PLA2G6: variants seen among roughly 807,000 people sequenced by gnomAD.
PLA2G6 encodes the protein phospholipase A2 group VI.
PLA2G6 carries 62 observed loss-of-function variants against 83.8 expected under a neutral mutation model. The observed-to-expected ratio is 0.74, with a 90% CI of 0.60 to 0.91. The LOEUF (loss-of-function observed/expected upper bound fraction) is 0.91, where lower values mean the gene tolerates loss of function less well. Among genes scored for constraint, PLA2G6 ranks in the 40% least tolerant of loss-of-function variants. The probability of loss-of-function intolerance (pLI) is 0.00; values close to 1 mark genes in which losing one functional copy is unlikely to be tolerated. For synonymous variants in PLA2G6, 417 were observed against 449.8 expected (o/e 0.93, Z 0.92); for missense variants, 944 against 1,102.0 (o/e 0.86, Z 2.03).
At position 38,151,896 on chromosome 22, in the gene PLA2G6, G is replaced by A. The variant is rs1252367970; in HGVS notation, c.210-6243C>T. On this transcript the variant is annotated intron_variant, in intron 2 of 16. Coordinates refer to ENST00000332509, the MANE Select transcript of PLA2G6 (RefSeq NM_003560.4). The stretch of plus-strand genomic sequence containing the variant: ...TTGTCAAAGTTTTGCTCCAGAAGAA[G>A]ACACAATCTTGATTATGCTGAAAAG... Among the ~76,000 whole-genome samples, 5 of 152,190 alleles carry A rather than the reference G, an allele frequency of 3.3e-5. 1 individual carries two copies. The highest frequency in any genetic ancestry group is 7.3e-5 in the Non-Finnish European group (5 of 68,034).
intron 2 of PLA2G6, among the ~76,000 whole-genome samples, chr22:38,155,929 G>T (rs1246455834): frequency 6.6e-6 from 1 of 152,130 alleles, no homozygotes; most frequent in Non-Finnish European, 1.5e-5. Context: ...TTGCCTACAT[G>T]AAACACACTT....
At chr22:38,156,878 T>C (rs1417896103) in intron 2 of PLA2G6, among the ~76,000 whole-genome samples, 1 of 152,168 alleles carries the variant, frequency 6.6e-6, no homozygotes, top group Admixed American at 6.5e-5. Flanking sequence ...AATATGCTCT[T>C]GAATGGTCAA....
chr22:38,180,673 G>C (rs1037342429), intron 1 of PLA2G6, among the ~76,000 whole-genome samples: 3 of 151,990 alleles, frequency 2.0e-5, no homozygotes, highest in Non-Finnish European at 4.4e-5. Flanking sequence ...TTCTGCCTAT[G>C]ACCCAACAGT....
intron 2 of PLA2G6, among the ~76,000 whole-genome samples, chr22:38,155,397 T>C (rs1162460155): frequency 6.6e-6 from 1 of 152,022 alleles, no homozygotes; most frequent in Non-Finnish European, 1.5e-5. Flanking sequence ...CAGAAACATA[T>C]AGAATATTAT....
intron 1 of PLA2G6, among the ~76,000 whole-genome samples, chr22:38,174,877 G>A (rs955090812): frequency 2.0e-4 from 31 of 152,068 alleles, no homozygotes; most frequent in African/African-American, 7.5e-4. Flanking sequence ...CACGCCCCTC[G>A]CCATGCCCAG....
At chr22:38,152,002 G>A (rs1035377751) in intron 2 of PLA2G6, among the ~76,000 whole-genome samples, 4 of 152,140 alleles carry the variant, frequency 2.6e-5, no homozygotes, top group Non-Finnish European at 5.9e-5. Context: ...ATCCTTTGAA[G>A]GTAGCCTGGA....
At chr22:38,131,494 T>G (rs564279216) in intron 7 of PLA2G6, 2 of 152,328 alleles carry the variant, frequency 1.3e-5, no homozygotes, top group African/African-American at 4.8e-5. Flanking sequence ...AAAAAATCTT[T>G]GTGATCCTCA....
At chr22:38,150,629 A>G (rs1475219071) in intron 2 of PLA2G6, 1 of 152,258 alleles carries the variant, frequency 6.6e-6, no homozygotes, top group Admixed American at 6.5e-5. Flanking sequence ...AATTGCTGAT[A>G]TATGTGCCAC....
intron 2 of PLA2G6, among the ~76,000 whole-genome samples, chr22:38,162,352 G>A (rs2090052569): frequency 6.6e-6 from 1 of 152,120 alleles, no homozygotes; most frequent in Non-Finnish European, 1.5e-5. Context: ...GAAGCAAGGA[G>A]GCAGGAAGTA....
At chr22:38,125,342 G>T (rs1366726301) in intron 10 of PLA2G6, among the ~76,000 whole-genome samples, 1 of 152,192 alleles carries the variant, frequency 6.6e-6, no homozygotes, top group Non-Finnish European at 1.5e-5. Context: ...GTGTGCGTGT[G>T]CCCGCGTGCA....
At chr22:38,150,651 T>C (rs375930261) in intron 2 of PLA2G6, 5 of 152,198 alleles carry the variant, frequency 3.3e-5, no homozygotes, top group South Asian at 4.1e-4. Flanking sequence ...TTACACCTGT[T>C]GAAAATAAAA....
chr22:38,123,277 T>C lies in PLA2G6; in HGVS notation c.1428-19A>G, dbSNP rs1331574412. The C allele has an allele frequency of 6.4e-6, 10 of 1,555,094 alleles. No homozygotes were observed. Among genetic ancestry groups the C allele is most frequent in the Non-Finnish European group, 8.7e-6 (10 of 1,149,142 alleles). On this transcript the variant is annotated intron_variant, in intron 10 of 16. Coordinates refer to ENST00000332509, the MANE Select transcript of PLA2G6 (RefSeq NM_003560.4). This position sits in a 1 kb window ranked among gnomAD's most constrained non-coding sequence, Gnocchi z 4.1. ...GTCGTGGCTGCAGTGGGAACAGCAG[T>C]GGGAGAGAGGAGGGTCCTGCCACAG...
At chr22:38,138,429 T>A (rs969207538) in intron 5 of PLA2G6, 1 of 152,388 alleles carries the variant, frequency 6.6e-6, no homozygotes, top group East Asian at 1.9e-4. Flanking sequence ...GCAAGGTGGA[T>A]GCAGCTCCCA....
Position 38,123,289 on chromosome 22 carries a change from G to A in PLA2G6, c.1428-31C>T, listed in dbSNP as rs753066757. 4.5e-6 allele frequency: 7 copies of A among 1,551,846 alleles called. No individual in the cohort carries two copies. The highest frequency in any genetic ancestry group is 6.1e-6 in the Non-Finnish European group (7 of 1,147,236). On this transcript the variant is annotated intron_variant, in intron 10 of 16. Coordinates refer to ENST00000332509, the MANE Select transcript of PLA2G6 (RefSeq NM_003560.4). The surrounding 1 kb of genome is among the most constrained non-coding windows in gnomAD (Gnocchi z 4.1). ...GTGGGAACAGCAGTGGGAGAGAGGA[G>A]GGTCCTGCCACAGCCCAGTACTTTA...
At chr22:38,147,306 C>G (rs922834127) in intron 2 of PLA2G6, 1 of 165,324 alleles carries the variant, frequency 6.0e-6, no homozygotes, top group African/African-American at 2.4e-5. Flanking sequence ...ACTTAAAGTT[C>G]TGACCAGGGC....
intron 6 of PLA2G6, 81 bp downstream of exon 6, chr22:38,134,907 C>T (rs565135800): frequency 4.0e-6 from 4 of 994,394 alleles, no homozygotes; most frequent in Non-Finnish European, 6.2e-6. Flanking sequence ...AGGGTCCTCT[C>T]GGGAACCTGC....
chr22:38,142,757 G>A (rs984922759), intron 4 of PLA2G6: 17 of 382,190 alleles, frequency 4.4e-5, no homozygotes, highest in East Asian at 3.1e-4. Flanking sequence ...CCCAGGTCCC[G>A]CTGGCCCACG....
chr22:38,128,498 C>T lies in PLA2G6; in HGVS notation c.1187-68G>A. 2 of 1,539,352 alleles carry T rather than the reference C, an allele frequency of 1.3e-6. No homozygotes were observed. The highest frequency in any genetic ancestry group is 1.8e-6 in the Non-Finnish European group (2 of 1,120,546). On this transcript the variant is annotated intron_variant, in intron 8 of 16. Coordinates refer to ENST00000332509, the MANE Select transcript of PLA2G6 (RefSeq NM_003560.4). The surrounding 1 kb of genome is among the most constrained non-coding windows in gnomAD (Gnocchi z 4.4). ...ATGATGTCAACATGCAAAGGAGAGG[C>T]CCCTCCTTTCCACACTCCGTCCCCT...
At chr22:38,155,627 A>T (rs749640347) in intron 2 of PLA2G6, among the ~76,000 whole-genome samples, 1 of 152,220 alleles carries the variant, frequency 6.6e-6, no homozygotes, top group Non-Finnish European at 1.5e-5. Context: ...ATTAGGTTAT[A>T]AGATATTATT....
Sources: allele counts gnomAD v4.1 joint callset (sites outside exome capture counted in the v4.1 genomes callset), GRCh38; gene constraint gnomAD v4.1.1; non-coding constraint Gnocchi (gnomAD v3.1); transcripts MANE v1.5; gene names NCBI Gene and HGNC (gene_info 2026-07-23, HGNC 2026-07-21).